CDH11: variants seen among roughly 807,000 people sequenced by gnomAD.
CDH11 encodes the protein cadherin-11.
In CDH11, 11 loss-of-function variants were observed where a neutral mutation model predicts 67.8. The ratio of observed to expected loss-of-function variants is 0.16; its 90% confidence interval spans 0.10 to 0.27. The LOEUF (loss-of-function observed/expected upper bound fraction) is 0.27. Among genes scored for constraint, CDH11 ranks in the 10% least tolerant of loss-of-function variants. CDH11 has a pLI of 1.00. For synonymous variants in CDH11, 419 were observed against 400.0 expected, an observed-to-expected ratio of 1.05 and a Z score of -0.57; for missense variants, 847 against 1,031.2, an observed-to-expected ratio of 0.82 and a Z score of 2.45.
At chr16:65,094,236 A>G (rs1350170991) in intron 1 of CDH11, among the ~76,000 whole-genome samples, 2 of 152,244 alleles carry the variant, frequency 1.3e-5, no homozygotes, top group African/African-American at 4.8e-5. Context: ...TATGACACAT[A>G]GTGTTCTTTC....
At chr16:64,950,000 T>C (rs1433312359) in intron 12 of CDH11, among the ~76,000 whole-genome samples, 3 of 152,182 alleles carry the variant, frequency 2.0e-5, no homozygotes, top group Non-Finnish European at 2.9e-5. Flanking sequence ...CCAAGCATCA[T>C]GGCAAAAGTG....
At chr16:65,082,277 G>A (rs1339927601) in intron 1 of CDH11, among the ~76,000 whole-genome samples, 1 of 152,170 alleles carries the variant, frequency 6.6e-6, no homozygotes, top group Non-Finnish European at 1.5e-5. Context: ...ACAGGTAATA[G>A]CAGAGGACAG....
chr16:64,983,409 G>A (rs1171227846), intron 7 of CDH11, among the ~76,000 whole-genome samples: 1 of 152,154 alleles, frequency 6.6e-6, no homozygotes, highest in African/African-American at 2.4e-5. Context: ...TAGTGCTCTG[G>A]ATGTTGCTGA....
rs1277836279 is a variant in CDH11, at chr16:65,052,694, G to T, written c.-173+1110C>A. On this transcript the variant is annotated intron_variant, in intron 2 of 12. Coordinates refer to ENST00000268603, the MANE Select transcript of CDH11 (RefSeq NM_001797.4). Reference sequence around the variant, plus strand: ...CAATATGTACGGATTTAAGAACATTGTTCAGGATATACATAGATAATGGAT... The same window carrying T: ...CAATATGTACGGATTTAAGAACATTTTTCAGGATATACATAGATAATGGAT... 2.6e-5 allele frequency among the ~76,000 whole-genome samples: 4 copies of T among 152,150 alleles called. No individual in the cohort carries two copies. In the East Asian group the frequency reaches 5.8e-4, roughly 22 times the overall value.
rs1216298287 is a variant in CDH11 at position 64,982,117 on chromosome 16, T to C, written c.1184A>G (p.Asn395Ser). 6.2e-7 allele frequency: 1 copy of C among 1,613,932 alleles called. No homozygotes were observed. The highest frequency in any genetic ancestry group is 1.7e-5 in the Admixed American group (1 of 59,984). ...APSYIHEVQE[N>S]AAAGTVVGRV... ...CCCAACCACGGTGCCAGCAGCTGCA[T>C]TTTCTTGGACTTCGTGGATGTAACT... is the stretch of plus-strand genomic sequence containing the variant. Residue 395 changes from asparagine (N) to serine (S), a missense_variant, in exon 8 of 13, where the codon AAT (asparagine) becomes AGT (serine). Physicochemically the swap from Asn to Ser is conservative, Grantham distance 46. Transcript: ENST00000268603.
intron 2 of CDH11, among the ~76,000 whole-genome samples, chr16:65,013,667 AT>A (rs1423968750): frequency 6.6e-6 from 1 of 152,064 alleles, no homozygotes; most frequent in Non-Finnish European, 1.5e-5. Flanking sequence ...TACTAAAAAA[AT>A]ATACAAAAAT....
At chr16:64,994,672 C>G (rs1597067818) in intron 4 of CDH11, among the ~76,000 whole-genome samples, 1 of 152,180 alleles carries the variant, frequency 6.6e-6, no homozygotes, top group South Asian at 2.1e-4. Context: ...CCCACTCTCA[C>G]CAGTCCTATT....
chr16:65,054,972 T>C (rs916945218), intron 1 of CDH11, among the ~76,000 whole-genome samples: 4 of 152,226 alleles, frequency 2.6e-5, no homozygotes, highest in Non-Finnish European at 5.9e-5. Context: ...GGATGGACCT[T>C]AGATCTACTA....
intron 2 of CDH11, among the ~76,000 whole-genome samples, chr16:65,027,730 C>T (rs539787201): frequency 2.6e-5 from 4 of 152,302 alleles, no homozygotes; most frequent in African/African-American, 9.6e-5. Context: ...TCAGAGGCTG[C>T]TCCTGCTTCT....
intron 2 of CDH11, among the ~76,000 whole-genome samples, chr16:65,014,981 G>A (rs1359584648): frequency 6.6e-6 from 1 of 150,930 alleles, no homozygotes; most frequent in Non-Finnish European, 1.5e-5. Flanking sequence ...TCAGCCTCCT[G>A]AGATTACAGG....
chr16:64,988,181 CTG>C lies in CDH11; in HGVS notation c.973_974del (p.Gln325GlyfsTer13). The part of the protein sequence containing the change: ...SFEITTDYET[Q>X]EGVIKLKKPV... ...CCTTTTTCAGCTTTATCACCCCCTCCTGTGTTTCATAGTCCGTTGTGATTTCA... is the reference window on the plus strand; with the variant it reads ...CCTTTTTCAGCTTTATCACCCCCTCCTGTTTCATAGTCCGTTGTGATTTCA... On this transcript the variant is annotated frameshift_variant, in exon 7 of 13. Coordinates refer to ENST00000268603, the MANE Select transcript of CDH11 (RefSeq NM_001797.4). LOFTEE classifies it high-confidence loss of function. The C allele has an allele frequency of 6.2e-7, 1 of 1,611,148 alleles. No individual in the cohort carries two copies. The highest frequency in any genetic ancestry group is 8.5e-7 in the Non-Finnish European group (1 of 1,178,612).
chr16:64,965,844 A>G (rs1343852182), intron 11 of CDH11, among the ~76,000 whole-genome samples: 1 of 151,816 alleles, frequency 6.6e-6, no homozygotes, highest in Non-Finnish European at 1.5e-5. Flanking sequence ...GAAATAAGTG[A>G]CAGCAATGAT....
At chr16:65,033,259 CACACACACACACAT>C (rs989678197) in intron 2 of CDH11, among the ~76,000 whole-genome samples, 13 of 143,792 alleles carry the variant, frequency 9.0e-5, no homozygotes, top group African/African-American at 3.0e-4. Context: ...CACACACACA[CACACACACACACAT>C]ACAGATTTTG....
intron 2 of CDH11, among the ~76,000 whole-genome samples, chr16:65,022,773 A>AAAC (rs2073452729): frequency 6.6e-6 from 1 of 152,180 alleles, no homozygotes; most frequent in Non-Finnish European, 1.5e-5. Flanking sequence ...ATGCTGAAAA[A>AAAC]AACAGAGTAC....
intron 3 of CDH11, among the ~76,000 whole-genome samples, chr16:65,001,505 C>T (rs1342611586): frequency 1.3e-5 from 2 of 152,066 alleles, no homozygotes; most frequent in Non-Finnish European, 2.9e-5. Flanking sequence ...GAATGAGGAA[C>T]AAGAAAGTAT....
chr16:64,976,367 C>G (rs35221), intron 8 of CDH11, among the ~76,000 whole-genome samples: 109,396 of 151,964 alleles, frequency 0.72, 41,617 homozygotes, highest in East Asian at 1. Flanking sequence ...AAAGGAAATT[C>G]TGAACAAAAA....
At position 64,946,957 on chromosome 16, in the gene CDH11, A is replaced by T; in HGVS notation, c.*646T>A. The T allele has an allele frequency of 1.3e-5, 12 of 909,538 alleles. No homozygotes were observed. The highest frequency in any genetic ancestry group is 1.6e-5 in the Non-Finnish European group (12 of 749,550). The allele number at this position is 909,538 out of a possible 1,614,324, so 56.3% of individuals were successfully genotyped here. On this transcript the variant is annotated 3_prime_UTR_variant, in exon 13 of 13. Coordinates refer to ENST00000268603, the MANE Select transcript of CDH11 (RefSeq NM_001797.4). ...ACTTTAAAATTGTACAAATAGATACATTAAAAATGACATAGAAATAGGGCG... is the reference window on the plus strand; with the variant it reads ...ACTTTAAAATTGTACAAATAGATACTTTAAAAATGACATAGAAATAGGGCG...
chr16:65,013,366 G>A (rs1274271965), intron 2 of CDH11, among the ~76,000 whole-genome samples: 1 of 152,114 alleles, frequency 6.6e-6, no homozygotes. Flanking sequence ...AGCTGTCAGA[G>A]GTGTGCAGGA....
chr16:65,021,249 C>A (rs2073417875), intron 2 of CDH11, among the ~76,000 whole-genome samples: 1 of 152,118 alleles, frequency 6.6e-6, no homozygotes, highest in Non-Finnish European at 1.5e-5. Context: ...GTAAAAAACA[C>A]CAGGTAACTG....
Sources: gnomAD v4.1 joint callset for allele counts (sites outside exome capture counted in the v4.1 genomes callset) on GRCh38, gnomAD v4.1.1 for gene constraint, MANE v1.5 for transcripts, NCBI Gene and HGNC (gene_info 2026-07-23, HGNC 2026-07-21) for gene names.